The following ATAD1 variants were observed in gnomAD, a reference collection of about 807,000 sequenced individuals.
The protein encoded by ATAD1 is ATPase family AAA domain containing 1.
ATAD1 carries 18 observed loss-of-function variants against 42.7 expected under a neutral mutation model. The observed-to-expected ratio is 0.42, with a 90% CI of 0.29 to 0.63. ATAD1 has a LOEUF of 0.63. ATAD1 is among the 20% of genes least tolerant of loss of function. The pLI is 0.19. For missense variants in ATAD1, 294 were observed against 440.4 expected (o/e 0.67, Z 2.98); for synonymous variants, 132 against 143.1 (o/e 0.92, Z 0.55).
chr10:87,804,075 G>C (rs1216899778), intron 2 of ATAD1, among the ~76,000 whole-genome samples: 1 of 152,196 alleles, frequency 6.6e-6, no homozygotes, highest in Non-Finnish European at 1.5e-5. Context: ...ACAAATGTTA[G>C]CTCTTCCAAG....
intron 2 of ATAD1, among the ~76,000 whole-genome samples, chr10:87,799,458 C>T (rs1856574590): frequency 6.6e-6 from 1 of 152,160 alleles, no homozygotes; most frequent in Non-Finnish European, 1.5e-5. Context: ...GCTGTTATTG[C>T]CTTTGTTTCA....
chr10:87,785,593 A>G (rs982570302), intron 4 of ATAD1, among the ~76,000 whole-genome samples: 4 of 150,742 alleles, frequency 2.7e-5, no homozygotes, highest in African/African-American at 9.7e-5. Flanking sequence ...TTAAAATGCC[A>G]TCTATATAGA....
At chr10:87,755,268 G>C (rs566618516) in intron 9 of ATAD1, among the ~76,000 whole-genome samples, 1 of 152,226 alleles carries the variant, frequency 6.6e-6, no homozygotes, top group East Asian at 1.9e-4. Flanking sequence ...TTTACAAATT[G>C]AGAGTAAAAT....
chr10:87,768,948 G>A (rs916843443), intron 7 of ATAD1, among the ~76,000 whole-genome samples: 5 of 152,142 alleles, frequency 3.3e-5, no homozygotes, highest in Admixed American at 2.0e-4. Flanking sequence ...AAACGTGGTG[G>A]TGCATGCCTA....
chr10:87,770,272 A>C (rs1306437453), intron 7 of ATAD1, among the ~76,000 whole-genome samples: 6 of 152,216 alleles, frequency 3.9e-5, no homozygotes, highest in Non-Finnish European at 8.8e-5. Flanking sequence ...ATTGTATGGA[A>C]CATATTTTCT....
intron 6 of ATAD1, among the ~76,000 whole-genome samples, chr10:87,773,703 G>C (rs1028699710): frequency 6.6e-6 from 1 of 152,166 alleles, no homozygotes. Flanking sequence ...TGCTGTACCA[G>C]AATCATACTG....
chr10:87,779,262 C>T (rs1855459028), intron 5 of ATAD1, among the ~76,000 whole-genome samples: 1 of 152,146 alleles, frequency 6.6e-6, no homozygotes, highest in African/African-American at 2.4e-5. Flanking sequence ...CGTGCCACTG[C>T]ACTCCAGCCT....
In ATAD1 at chr10:87,814,316, T is replaced by C. The variant is rs958114333; in HGVS notation, c.162+122A>G. 8.3e-6 allele frequency: 7 copies of C among 844,242 alleles called. No individual in the cohort carries two copies. In the Admixed American group the frequency reaches 1.3e-4, roughly 16 times the overall value. The allele number at this position is 844,242 out of a possible 1,614,324, so 52.3% of individuals were successfully genotyped here. On this transcript the variant is annotated intron_variant, in intron 2 of 9. Transcript: ENST00000680024. ...AGAGTAATAAAACTATGAGTACCAA[T>C]ACATTTTCATGTGGGTCTTATAGAA...
rs184891767 is a variant in ATAD1 at position 87,777,135 on chromosome 10, A to G, written c.584-708T>C. Among the ~76,000 whole-genome samples the G allele has an allele frequency of 9.8e-5, 15 of 152,286 alleles. No homozygotes were observed. In the South Asian group the frequency reaches 2.3e-3, roughly 23 times the overall value. On this transcript the variant is annotated intron_variant, in intron 5 of 9. Coordinates refer to ENST00000680024, the MANE Select transcript of ATAD1 (RefSeq NM_001321967.2). ...ACAACATATGTAAGAAAAATGAAGG[A>G]TCTAGTACTGAGAGGCTGGAAGAGT...
At chr10:87,816,352 C>T (rs973888265) in intron 1 of ATAD1, among the ~76,000 whole-genome samples, 21 of 152,152 alleles carry the variant, frequency 1.4e-4, no homozygotes, top group African/African-American at 4.1e-4. Context: ...CCATTCACTT[C>T]ACAATAATTA....
intron 5 of ATAD1, 36 bp downstream of exon 5, chr10:87,784,434 G>A (rs1855721844): frequency 6.3e-7 from 1 of 1,577,218 alleles, no homozygotes. Context: ...TCTAAAAATG[G>A]CCTTTAAAAA....
chr10:87,772,508 C>T (rs928517380), intron 6 of ATAD1, among the ~76,000 whole-genome samples: 6 of 151,726 alleles, frequency 4.0e-5, no homozygotes, highest in Admixed American at 3.3e-4. Context: ...GGTGAATGAA[C>T]TAAAAGCATA....
Position 87,776,388 on chromosome 10 carries a change from G to A in ATAD1, c.623C>T (p.Ala208Val). 1 of 1,613,832 alleles carries A rather than the reference G, an allele frequency of 6.2e-7. No homozygotes were observed. The highest frequency in any genetic ancestry group is 8.5e-7 in the Non-Finnish European group (1 of 1,179,824). ...LRNRSSSDHE[A>V]TAMMKAQFMS... ...AAACTGAGCTTTCATCATGGCTGTA[G>A]CTTCATGGTCAGAACTTGAACGGTT... The change falls in exon 6 of 10, where the codon GCT (alanine) becomes GTT (valine). Residue 208 changes from alanine to valine, a missense_variant. Ala to Val is a moderately conservative substitution (Grantham distance 64, BLOSUM62 0). Coordinates refer to ENST00000680024, the MANE Select transcript of ATAD1 (RefSeq NM_001321967.2).
upstream of ATAD1, among the ~76,000 whole-genome samples, chr10:87,823,179 T>A (rs1217504817): frequency 6.6e-6 from 1 of 151,938 alleles, no homozygotes; most frequent in East Asian, 1.9e-4. Flanking sequence ...ACTTTACACA[T>A]AATTTTAAAT....
At chr10:87,780,028 T>A (rs1855493007) in intron 5 of ATAD1, among the ~76,000 whole-genome samples, 2 of 152,236 alleles carry the variant, frequency 1.3e-5, no homozygotes, top group Admixed American at 6.5e-5. Flanking sequence ...CACATGATGC[T>A]GTCAGCAGCA....
chr10:87,751,852 A>G lies in ATAD1; in HGVS notation c.*2835T>C, dbSNP rs1854033377. On this transcript the variant is annotated 3_prime_UTR_variant, in exon 10 of 10. Coordinates refer to ENST00000680024, the MANE Select transcript of ATAD1 (RefSeq NM_001321967.2). ...GAGAAGCTAAAAAGAAACATAAAATATACATCATCCAATTTATTTTCTTTA... is the reference window on the plus strand; with the variant it reads ...GAGAAGCTAAAAAGAAACATAAAATGTACATCATCCAATTTATTTTCTTTA... The G allele has an allele frequency of 6.6e-6, 1 of 152,200 alleles. No individual in the cohort carries two copies. The highest frequency in any genetic ancestry group is 2.4e-5 in the African/African-American group (1 of 41,456). The allele number at this position is 152,200 out of a possible 1,614,324, so 9.4% of individuals were successfully genotyped here. A position where few individuals can be genotyped will look rare whatever the true frequency, so the allele number is the denominator to read the frequency against.
chr10:87,776,877 T>C (rs1855329458), intron 5 of ATAD1, among the ~76,000 whole-genome samples: 1 of 152,134 alleles, frequency 6.6e-6, no homozygotes, highest in African/African-American at 2.4e-5. Context: ...CACTATATAC[T>C]ATAGTGATCA....
Position 87,814,603 on chromosome 10 carries a change from G to C in ATAD1, c.-4C>G, listed in dbSNP as rs1190764641. The C allele has an allele frequency of 3.3e-5, 53 of 1,595,412 alleles. No individual in the cohort carries two copies. Among genetic ancestry groups the C allele is most frequent in the Non-Finnish European group, 4.4e-5 (52 of 1,172,330 alleles). ...AAAAGGCTTCAGCATGTACCATCTT[G>C]AATGTTAACCTTAAAAAAACAAACA... On this transcript the variant is annotated 5_prime_UTR_variant, in exon 2 of 10. Coordinates refer to ENST00000680024, the MANE Select transcript of ATAD1 (RefSeq NM_001321967.2).
At chr10:87,789,566 T>A (rs1047692206) in intron 4 of ATAD1, among the ~76,000 whole-genome samples, 1 of 151,648 alleles carries the variant, frequency 6.6e-6, no homozygotes, top group Non-Finnish European at 1.5e-5. Context: ...ACCAAAAATA[T>A]AAAAAAAGAG....
Sources: gnomAD v4.1 joint callset for allele counts (sites outside exome capture counted in the v4.1 genomes callset) on GRCh38, gnomAD v4.1.1 for gene constraint, MANE v1.5 for transcripts, NCBI Gene and HGNC (gene_info 2026-07-23, HGNC 2026-07-21) for gene names.